Variants in SVOP observed in about 807,000 individuals in gnomAD.
The protein encoded by SVOP is synaptic vesicle 2-related protein.
Under a neutral mutation model 69.1 loss-of-function variants are expected in SVOP, and 17 were observed. The ratio of observed to expected loss-of-function variants is 0.25; its 90% CI spans 0.17 to 0.37. The LOEUF (loss-of-function observed/expected upper bound fraction) is 0.37. SVOP is among the 10% of genes least tolerant of loss of function. SVOP has a pLI of 1.00. For synonymous variants in SVOP, 238 were observed against 238.6 expected (o/e 1.00, Z 0.02); for missense variants, 435 against 597.5 (o/e 0.73, Z 2.84).
chr12:108,949,005 A>G (rs2039939529), intron 6 of SVOP, among the ~76,000 whole-genome samples: 2 of 152,236 alleles, frequency 1.3e-5, no homozygotes, highest in Admixed American at 1.3e-4. Flanking sequence ...AATGTGCAGC[A>G]GGATATTCTA....
chr12:108,915,172 C>CAAAAA (rs78563087), intron 15 of SVOP, among the ~76,000 whole-genome samples: 8 of 113,964 alleles, frequency 7.0e-5, no homozygotes, highest in African/African-American at 2.5e-4. Context: ...GACTCCATCC[C>CAAAAA]AAAAAAAAAA....
At chr12:108,919,984 T>C (rs896835179) in intron 12 of SVOP, among the ~76,000 whole-genome samples, 198 bp from the exon 13 acceptor site, 2 of 152,214 alleles carry the variant, frequency 1.3e-5, no homozygotes, top group African/African-American at 4.8e-5. Flanking sequence ...ACTTCTGTCT[T>C]GGTGTTCTCT....
intron 4 of SVOP, among the ~76,000 whole-genome samples, chr12:108,974,832 T>C (rs1322372085): frequency 6.6e-6 from 1 of 152,222 alleles, no homozygotes; most frequent in Non-Finnish European, 1.5e-5. Flanking sequence ...CTAAAGAGCT[T>C]GTTCATGTAA....
chr12:108,958,155 C>T, intron 6 of SVOP, among the ~76,000 whole-genome samples: 1 of 152,026 alleles, frequency 6.6e-6, no homozygotes, highest in East Asian at 1.9e-4. Flanking sequence ...GGCAGTGCAC[C>T]CAGAGTTGGC....
intron 5 of SVOP, among the ~76,000 whole-genome samples, chr12:108,968,789 A>G (rs2040061384): frequency 6.7e-6 from 1 of 149,584 alleles, no homozygotes; most frequent in Non-Finnish European, 1.5e-5. Flanking sequence ...TGTCTCAGGA[A>G]CAAATAAATG....
At chr12:109,002,743 G>A (rs1455206072) in intron 1 of SVOP, among the ~76,000 whole-genome samples, 1 of 147,366 alleles carries the variant, frequency 6.8e-6, no homozygotes, top group Non-Finnish European at 1.5e-5. Flanking sequence ...TCACTCATAG[G>A]TGGGAATTGA....
intron 1 of SVOP, among the ~76,000 whole-genome samples, chr12:109,020,149 A>C (rs979122072): frequency 2.0e-5 from 3 of 152,184 alleles, no homozygotes; most frequent in Non-Finnish European, 4.4e-5. Flanking sequence ...TATTTCCCCC[A>C]GATTCTCAGA....
chr12:108,926,882 T>C lies in SVOP; in HGVS notation c.1049-4085A>G, dbSNP rs112617084. 4.6e-3 allele frequency among the ~76,000 whole-genome samples: 698 copies of C among 152,366 alleles called. 5 individuals carry two copies. The highest frequency in any genetic ancestry group is 0.016 in the African/African-American group (647 of 41,586). On this transcript the variant is annotated intron_variant, in intron 11 of 15. Coordinates refer to ENST00000610966, the MANE Select transcript of SVOP (RefSeq NM_018711.5). The stretch of plus-strand genomic sequence containing the variant: ...GACATTTCTGCATGTTTTGAGTAGA[T>C]GCGCTGACTACCTTTGTTCTGGACT...
intron 1 of SVOP, 135 bp from the exon 2 acceptor site, chr12:108,983,896 T>A: frequency 2.5e-6 from 1 of 397,560 alleles, no homozygotes; most frequent in Non-Finnish European, 4.4e-6. Context: ...GGTTAGCATT[T>A]CTATTGATTT....
In SVOP at chr12:108,997,312, G is replaced by A. The variant is rs552050405; in HGVS notation, c.36-13551C>T. ...CCGCACCTGGCTCGGAGGGTCCTAC[G>A]CCCACGGAGTCTCGCTGATTGCTAG... On this transcript the variant is annotated intron_variant, in intron 1 of 15. Transcript: ENST00000610966. 1.9e-4 allele frequency among the ~76,000 whole-genome samples: 29 copies of A among 151,908 alleles called. No individual in the cohort carries two copies. The East Asian group carries it at 2.9e-3, about 15-fold the overall frequency.
chr12:108,981,760 C>T (rs1208920331), intron 2 of SVOP, among the ~76,000 whole-genome samples: 3 of 152,146 alleles, frequency 2.0e-5, no homozygotes, highest in East Asian at 3.8e-4. Context: ...CAGTGCCTGG[C>T]ACATAATAAA....
At chr12:108,963,607 C>G (rs1054763839) in intron 5 of SVOP, among the ~76,000 whole-genome samples, 1 of 152,150 alleles carries the variant, frequency 6.6e-6, no homozygotes, top group East Asian at 1.9e-4. Flanking sequence ...CCTGCCTCAG[C>G]CTCTGAGTAG....
Position 108,940,928 on chromosome 12 carries a change from G to T in SVOP, c.643-19C>A, listed in dbSNP as rs564414422. 3.3e-6 allele frequency: 5 copies of T among 1,535,340 alleles called. No homozygotes were observed. The African/African-American group carries it at 4.1e-5, about 13-fold the overall frequency. On this transcript the variant is annotated intron_variant, in intron 7 of 15. Coordinates refer to ENST00000610966, the MANE Select transcript of SVOP (RefSeq NM_018711.5). Reference sequence around the variant, plus strand: ...AGAATACCTGGCACAGGAGAATCAGGGTCAGTGGTGGGGGTAGCATGGTCC... The same window carrying T: ...AGAATACCTGGCACAGGAGAATCAGTGTCAGTGGTGGGGGTAGCATGGTCC...
intron 11 of SVOP, among the ~76,000 whole-genome samples, chr12:108,927,589 C>CTTTTTT (rs10679632): frequency 7.6e-6 from 1 of 131,262 alleles, no homozygotes; most frequent in Non-Finnish European, 1.6e-5. Flanking sequence ...CTCTCTCTCT[C>CTTTTTT]TTTTTTTTTT....
chr12:109,020,754 A>ACT, intron 1 of SVOP, 80 bp downstream of exon 1: 1 of 237,608 alleles, frequency 4.2e-6, no homozygotes, highest in Non-Finnish European at 8.2e-6. Context: ...GCAGAGATGT[A>ACT]CCCCCCCCCA....
At chr12:108,913,741 C>T (rs766645006) in intron 15 of SVOP, among the ~76,000 whole-genome samples, 21 of 152,124 alleles carry the variant, frequency 1.4e-4, no homozygotes, top group Non-Finnish European at 1.3e-4. Context: ...CTCTGCCTCC[C>T]GGGTTCAAGC....
intron 14 of SVOP, among the ~76,000 whole-genome samples, chr12:108,916,294 G>A (rs1340575339): frequency 6.6e-6 from 1 of 152,226 alleles, no homozygotes; most frequent in Non-Finnish European, 1.5e-5. Context: ...TAGGGGCCAC[G>A]TGCTTTGTTA....
At chr12:108,929,168 C>T (rs917626438) in intron 11 of SVOP, among the ~76,000 whole-genome samples, 3 of 152,178 alleles carry the variant, frequency 2.0e-5, no homozygotes, top group Non-Finnish European at 4.4e-5. Context: ...AGATGAAATA[C>T]GTTCATATGC....
intron 6 of SVOP, among the ~76,000 whole-genome samples, chr12:108,951,973 A>G (rs1163683279): frequency 6.6e-6 from 1 of 152,176 alleles, no homozygotes; most frequent in Non-Finnish European, 1.5e-5. Context: ...AGTTCCAAGT[A>G]TAGGCCTCAA....
Sources: gnomAD v4.1 joint callset for allele counts (sites outside exome capture counted in the v4.1 genomes callset) on GRCh38, gnomAD v4.1.1 for gene constraint, MANE v1.5 for transcripts, NCBI Gene and HGNC (gene_info 2026-07-23, HGNC 2026-07-21) for gene names.